UNC5D: variants seen among roughly 807,000 people sequenced by gnomAD.
The protein encoded by UNC5D is unc-5 netrin receptor D.
A neutral mutation model predicts 105.4 loss-of-function variants in UNC5D; 39 were observed. The observed-to-expected ratio is 0.37, with a 90% CI of 0.29 to 0.48. The LOEUF is 0.48. UNC5D is among the 20% of genes least tolerant of loss of function. The pLI is 0.98. For missense variants in UNC5D, 991 were observed against 1,202.4 expected, an observed-to-expected ratio of 0.82 and a Z score of 2.60; for synonymous variants, 452 against 450.4, an observed-to-expected ratio of 1.00 and a Z score of -0.04.
chr8:35,588,200 AC>A (rs2130870625), intron 3 of UNC5D, among the ~76,000 whole-genome samples: 1 of 151,888 alleles, frequency 6.6e-6, no homozygotes, highest in Non-Finnish European at 1.5e-5. Flanking sequence ...TTTATGCTCC[AC>A]CCTCTCAATA....
At chr8:35,763,446 CTTT>C (rs201449850) in intron 14 of UNC5D, among the ~76,000 whole-genome samples, 109 of 124,704 alleles carry the variant, frequency 8.7e-4, no homozygotes, top group African/African-American at 2.7e-3. Context: ...TGGTCAGTGC[CTTT>C]TTTTTTTTTT....
intron 1 of UNC5D, among the ~76,000 whole-genome samples, chr8:35,236,210 C>A (rs1802448723): frequency 6.6e-6 from 1 of 152,214 alleles, no homozygotes; most frequent in Non-Finnish European, 1.5e-5. Flanking sequence ...ATCTCGCTCT[C>A]CCCTCTCCTC....
chr8:35,500,784 C>T (rs894576219), intron 1 of UNC5D, among the ~76,000 whole-genome samples: 9 of 152,210 alleles, frequency 5.9e-5, no homozygotes, highest in South Asian at 2.1e-4. Flanking sequence ...TGTGTATGAA[C>T]GGATGACTTA....
chr8:35,586,387 A>C (rs973920691), intron 3 of UNC5D, among the ~76,000 whole-genome samples: 8 of 152,162 alleles, frequency 5.3e-5, no homozygotes, highest in Non-Finnish European at 7.3e-5. Flanking sequence ...AATGAGGAAA[A>C]AATTCACCTA....
chr8:35,507,435 T>G (rs1489833797), intron 1 of UNC5D, among the ~76,000 whole-genome samples: 1 of 152,168 alleles, frequency 6.6e-6, no homozygotes, highest in Non-Finnish European at 1.5e-5. Flanking sequence ...TAGAGGCAGT[T>G]TATCTTTACC....
chr8:35,426,906 G>C (rs1247992850), intron 1 of UNC5D, among the ~76,000 whole-genome samples: 5 of 152,090 alleles, frequency 3.3e-5, no homozygotes, highest in Admixed American at 3.3e-4. Flanking sequence ...CAAATTAAAA[G>C]CACAGTGAGT....
intron 1 of UNC5D, among the ~76,000 whole-genome samples, chr8:35,308,104 A>G (rs1808569939): frequency 7.2e-6 from 1 of 138,142 alleles, no homozygotes; most frequent in Admixed American, 7.5e-5. Flanking sequence ...AGCCTTTTCT[A>G]TGTCACAATG....
At chr8:35,612,651 A>C (rs957719426) in intron 4 of UNC5D, among the ~76,000 whole-genome samples, 6 of 151,978 alleles carry the variant, frequency 3.9e-5, no homozygotes, top group African/African-American at 1.4e-4. Flanking sequence ...TAAAAATGAA[A>C]GAAGAAGGAA....
In UNC5D at chr8:35,644,823, TA is replaced by T. The variant is rs568605409; in HGVS notation, c.571-38720del. On this transcript the variant is annotated intron_variant, in intron 4 of 16. Coordinates refer to ENST00000404895, the MANE Select transcript of UNC5D (RefSeq NM_080872.4). ...TAGTAGAGAGACCACATGAAATCAC[TA>T]AAAGAGTTAGATGTTTATGTCTAGG... 3.5e-3 allele frequency among the ~76,000 whole-genome samples: 540 copies of T among 152,282 alleles called. 3 individuals carry two copies. The highest frequency in any genetic ancestry group is 0.012 in the African/African-American group (518 of 41,564).
chr8:35,495,487 A>C (rs923860140), intron 1 of UNC5D, among the ~76,000 whole-genome samples: 1 of 151,532 alleles, frequency 6.6e-6, no homozygotes, highest in African/African-American at 2.4e-5. Flanking sequence ...AAAAAGCAAA[A>C]AAATCTCATA....
chr8:35,262,630 A>T (rs909552670), intron 1 of UNC5D, among the ~76,000 whole-genome samples: 11 of 152,220 alleles, frequency 7.2e-5, no homozygotes, highest in African/African-American at 2.7e-4. Context: ...AGAGGGAGCT[A>T]GTTTCTGGGA....
intron 1 of UNC5D, among the ~76,000 whole-genome samples, chr8:35,542,246 G>T (rs1164443174): frequency 6.6e-6 from 1 of 152,162 alleles, no homozygotes; most frequent in African/African-American, 2.4e-5. Context: ...CTGCTGTTCT[G>T]CATTAAATGG....
At chr8:35,748,470 C>G in intron 11 of UNC5D, 57 bp from the exon 12 acceptor site, 2 of 1,529,598 alleles carry the variant, frequency 1.3e-6, no homozygotes, top group Non-Finnish European at 1.8e-6. Flanking sequence ...AATTCTCATT[C>G]AAATATGGCC....
chr8:35,406,605 G>T (rs549569367), intron 1 of UNC5D, among the ~76,000 whole-genome samples: 15 of 152,262 alleles, frequency 9.9e-5, no homozygotes, highest in Non-Finnish European at 1.8e-4. Context: ...TTCCCAGAGA[G>T]AATCTCGGAC....
intron 4 of UNC5D, among the ~76,000 whole-genome samples, chr8:35,655,580 A>G (rs1183068004): frequency 2.6e-5 from 4 of 152,238 alleles, no homozygotes; most frequent in Admixed American, 2.6e-4. Flanking sequence ...CCAAAGATAG[A>G]TTTCATTCCT....
intron 1 of UNC5D, among the ~76,000 whole-genome samples, chr8:35,437,809 G>T (rs1194107500): frequency 1.3e-5 from 2 of 151,480 alleles, no homozygotes; most frequent in East Asian, 3.9e-4. Flanking sequence ...GAAATGGTTT[G>T]CTGCTTTGTG....
chr8:35,475,984 C>T (rs918476961), intron 1 of UNC5D, among the ~76,000 whole-genome samples: 2 of 152,116 alleles, frequency 1.3e-5, no homozygotes, highest in African/African-American at 4.8e-5. Context: ...AGTGAAGTTA[C>T]TAGATTGAAA....
rs1563268302 is a variant in UNC5D at position 35,271,713 on chromosome 8, T to TATACATGTATACAGGTATACATATATATG, written c.103+35826_103+35827insATACATGTATACAGGTATACATATATATG. Among the ~76,000 whole-genome samples the TATACATGTATACAGGTATACATATATATG allele has an allele frequency of 2.9e-4, 25 of 85,392 alleles. 1 individual carries two copies. Among genetic ancestry groups the TATACATGTATACAGGTATACATATATATG allele is most frequent in the African/African-American group, 1.5e-3 (25 of 17,184 alleles). The allele number at this position is 85,392 out of a possible 152,430, so 56.0% of individuals were successfully genotyped here. A position where few individuals can be genotyped will look rare whatever the true frequency, so the allele number is the denominator to read the frequency against. On this transcript the variant is annotated intron_variant, in intron 1 of 16. Coordinates refer to ENST00000404895, the MANE Select transcript of UNC5D (RefSeq NM_080872.4). ...CATGTATACATGTATACATATATAT[T>TATACATGTATACAGGTATACATATATATG]TATACATGTATACATGTATACATAT...
chr8:35,317,900 G>A (rs1809426865), intron 1 of UNC5D, among the ~76,000 whole-genome samples: 1 of 71,016 alleles, frequency 1.4e-5, no homozygotes, highest in Non-Finnish European at 4.0e-5. Flanking sequence ...TCTTGGTTGT[G>A]TCTTTTGGTC....
Sources: gnomAD v4.1 joint callset for allele counts (sites outside exome capture counted in the v4.1 genomes callset) on GRCh38, gnomAD v4.1.1 for gene constraint, MANE v1.5 for transcripts, NCBI Gene and HGNC (gene_info 2026-07-23, HGNC 2026-07-21) for gene names.